NELL1: variants seen among roughly 807,000 people sequenced by gnomAD.
NELL1 encodes neural EGFL like 1.
In NELL1, 76 loss-of-function variants were observed where a neutral mutation model predicts 107.4. The ratio of observed to expected loss-of-function variants is 0.71; its 90% CI spans 0.59 to 0.86. NELL1 has a LOEUF of 0.86. Among genes scored for constraint, NELL1 ranks in the 40% least tolerant of loss-of-function variants. The pLI is 0.00. For synonymous variants in NELL1, 353 were observed against 341.2 expected, an observed-to-expected ratio of 1.03 and a Z score of -0.38; for missense variants, 1,024 against 1,005.5, an observed-to-expected ratio of 1.02 and a Z score of -0.25.
chr11:21,083,924 C>A (rs1323836824), intron 12 of NELL1, among the ~76,000 whole-genome samples: 1 of 152,020 alleles, frequency 6.6e-6, no homozygotes, highest in Non-Finnish European at 1.5e-5. Context: ...TTTTTGTAAT[C>A]GTATTTTGGG....
chr11:20,735,171 G>A (rs895787826), intron 2 of NELL1, among the ~76,000 whole-genome samples: 4 of 152,180 alleles, frequency 2.6e-5, no homozygotes, highest in African/African-American at 9.7e-5. Flanking sequence ...TTAAGGTGGT[G>A]AGCAGTCGGG....
At chr11:21,227,171 T>A (rs1251448898) in intron 13 of NELL1, among the ~76,000 whole-genome samples, 2 of 152,188 alleles carry the variant, frequency 1.3e-5, no homozygotes, top group Middle Eastern at 3.2e-3. Context: ...CAAGAGGACT[T>A]TTCTCTTCTC....
intron 15 of NELL1, among the ~76,000 whole-genome samples, chr11:21,441,198 T>TGGAGGAC (rs1419282480): frequency 6.6e-5 from 10 of 152,138 alleles, no homozygotes; most frequent in African/African-American, 2.4e-4. Flanking sequence ...TGGCTGTCTT[T>TGGAGGAC]ATTTCTTCTA....
Position 21,442,942 on chromosome 11 carries a change from C to CTTTTT in NELL1, c.1645+72014_1645+72018dup, listed in dbSNP as rs66501874. 8.7e-4 allele frequency among the ~76,000 whole-genome samples: 50 copies of CTTTTT among 57,580 alleles called. 2 individuals are homozygous for CTTTTT. Among genetic ancestry groups the CTTTTT allele is most frequent in the South Asian group, 3.6e-3 (4 of 1,096 alleles). 37.8% of individuals were successfully genotyped at this position (57,580 alleles called of 152,430 possible). On this transcript the variant is annotated intron_variant, in intron 15 of 19. Transcript: ENST00000357134. ...TAAATGGAAATGTTTGCTATCTTTC[C>CTTTTT]TTTTTTTTTTTTTTTTTTTTTTTTG... is the stretch of plus-strand genomic sequence containing the variant.
chr11:21,232,403 C>T (rs957039919), intron 14 of NELL1, among the ~76,000 whole-genome samples: 29 of 150,406 alleles, frequency 1.9e-4, no homozygotes, highest in Admixed American at 9.9e-4. Context: ...GAATCACTAA[C>T]GGAATTTATA....
At chr11:21,365,872 C>T (rs1851207251) in intron 14 of NELL1, among the ~76,000 whole-genome samples, 2 of 152,086 alleles carry the variant, frequency 1.3e-5, no homozygotes, top group African/African-American at 4.8e-5. Context: ...CTCCTGAAGA[C>T]ACTTCATCAA....
At chr11:21,085,354 C>G (rs112354435) in intron 12 of NELL1, among the ~76,000 whole-genome samples, 4 of 152,288 alleles carry the variant, frequency 2.6e-5, no homozygotes, top group African/African-American at 9.6e-5. Flanking sequence ...TTATTTTAGT[C>G]TGGGCACAGT....
chr11:20,904,373 A>C (rs777086394), intron 5 of NELL1, among the ~76,000 whole-genome samples: 6 of 152,150 alleles, frequency 3.9e-5, no homozygotes, highest in Non-Finnish European at 7.4e-5. Context: ...TATTGTATGC[A>C]CGTACCAAAT....
intron 2 of NELL1, among the ~76,000 whole-genome samples, chr11:20,686,098 A>G (rs1217987348): frequency 6.6e-6 from 1 of 152,090 alleles, no homozygotes; most frequent in Non-Finnish European, 1.5e-5. Flanking sequence ...AAAACAGTTC[A>G]TTATTCTTTC....
intron 15 of NELL1, among the ~76,000 whole-genome samples, chr11:21,461,037 C>T (rs1027969449): frequency 6.6e-6 from 1 of 151,994 alleles, no homozygotes; most frequent in African/African-American, 2.4e-5. Flanking sequence ...GTAATAAATT[C>T]CCCAAATTCT....
At position 20,919,204 on chromosome 11, in the gene NELL1, T is replaced by C. The variant is rs999286881; in HGVS notation, c.677-48T>C. ...TCTACTGTTTTAAAATTTTATTTCT[T>C]ATATTAGCACAATATAAATATATAT... On this transcript the variant is annotated intron_variant, in intron 6 of 19. Transcript: ENST00000357134. 7 of 1,185,194 alleles carry C rather than the reference T, an allele frequency of 5.9e-6. No homozygotes were observed. In the African/African-American group the frequency reaches 1.1e-4, roughly 19 times the overall value. 73.4% of individuals were successfully genotyped at this position (1,185,194 alleles called of 1,614,324 possible).
chr11:21,401,340 G>T (rs1352151008), intron 15 of NELL1, among the ~76,000 whole-genome samples: 4 of 151,782 alleles, frequency 2.6e-5, no homozygotes. Flanking sequence ...ATTAAAAGGA[G>T]CAATTGGGAA....
At chr11:20,753,086 A>G (rs77887966) in intron 2 of NELL1, among the ~76,000 whole-genome samples, 3,288 of 152,334 alleles carry the variant, frequency 0.022, 56 homozygotes, top group Admixed American at 0.038. Context: ...ATTTGGTTAT[A>G]ACAGGAAGAG....
chr11:21,192,428 ATAAAAT>A (rs1220672262), intron 13 of NELL1, among the ~76,000 whole-genome samples: 1 of 151,962 alleles, frequency 6.6e-6, no homozygotes, highest in Non-Finnish European at 1.5e-5. Context: ...ATTCAGGCAG[ATAAAAT>A]TAAGATTTAT....
rs1202157781 is a variant in NELL1 at position 21,346,639 on chromosome 11, TTA to T, written c.1550-24210_1550-24209del. On this transcript the variant is annotated intron_variant, in intron 14 of 19. Transcript: ENST00000357134. ...ATATGCTGTATCAAATATATATTAA[TTA>T]TATGATATAATATCAATTTATAATA... Among the ~76,000 whole-genome samples, 4 of 148,046 alleles carry T rather than the reference TTA, an allele frequency of 2.7e-5. No individual in the cohort carries two copies. The East Asian group carries it at 7.8e-4, about 29-fold the overall frequency.
intron 2 of NELL1, among the ~76,000 whole-genome samples, chr11:20,742,543 C>G (rs1356438411): frequency 6.6e-6 from 1 of 152,122 alleles, no homozygotes; most frequent in East Asian, 1.9e-4. Context: ...CTCACAGTTC[C>G]ATGTGGCTAG....
rs549964952 is a variant in NELL1 at position 21,066,747 on chromosome 11, A to G, written c.1301-46842A>G. ...GGCAGATCACTTGAGGTCACGAATT[A>G]GAAACCAGCCTGGCTCAGCAACATG... On this transcript the variant is annotated intron_variant, in intron 12 of 19. Coordinates refer to ENST00000357134, the MANE Select transcript of NELL1 (RefSeq NM_006157.5). Among the ~76,000 whole-genome samples the G allele has an allele frequency of 2.6e-5, 4 of 152,150 alleles. No individual in the cohort carries two copies. The South Asian group carries it at 6.2e-4, about 24-fold the overall frequency.
chr11:20,813,134 C>T (rs1857541345), intron 3 of NELL1, among the ~76,000 whole-genome samples: 1 of 146,286 alleles, frequency 6.8e-6, no homozygotes, highest in East Asian at 2.1e-4. Context: ...ATTTTTGAAG[C>T]TTCATTATAT....
chr11:21,218,348 T>A (rs1004543456), intron 13 of NELL1, among the ~76,000 whole-genome samples: 2 of 152,144 alleles, frequency 1.3e-5, no homozygotes, highest in African/African-American at 2.4e-5. Context: ...ATTTTTAAAT[T>A]TTTTTAAAAA....
Sources: gnomAD v4.1 joint callset for allele counts (sites outside exome capture counted in the v4.1 genomes callset) on GRCh38, gnomAD v4.1.1 for gene constraint, MANE v1.5 for transcripts, NCBI Gene and HGNC (gene_info 2026-07-23, HGNC 2026-07-21) for gene names.